The following ADAMTSL1 variants were observed in gnomAD, a reference collection of about 807,000 sequenced individuals.
ADAMTSL1 encodes ADAMTS like 1, also known as ADAMTS-like protein 1.
ADAMTSL1 carries 126 observed loss-of-function variants against 201.8 expected under a neutral mutation model. The ratio of observed to expected loss-of-function variants is 0.62; its 90% CI spans 0.54 to 0.72. The LOEUF (loss-of-function observed/expected upper bound fraction) is 0.72, where lower values mean the gene tolerates loss of function less well. Among genes scored for constraint, ADAMTSL1 ranks in the 30% least tolerant of loss-of-function variants. The pLI is 0.00. For synonymous variants in ADAMTSL1, 1,121 were observed against 903.4 expected (o/e 1.24, Z -4.32); for missense variants, 2,679 against 2,277.8 (o/e 1.18, Z -3.59).
chr9:17,952,104 T>C (rs114840308), intron 1 of ADAMTSL1, among the ~76,000 whole-genome samples: 119 of 151,764 alleles, frequency 7.8e-4, no homozygotes, highest in African/African-American at 2.8e-3. Flanking sequence ...GCCTGGCTAA[T>C]TGGTTTCTTT....
At chr9:18,331,549 A>G (rs1409561003) in intron 2 of ADAMTSL1, among the ~76,000 whole-genome samples, 1 of 152,208 alleles carries the variant, frequency 6.6e-6, no homozygotes, top group African/African-American at 2.4e-5. Flanking sequence ...ATAAGCCCCC[A>G]GGGACTCATA....
chr9:18,586,085 C>T (rs944513330), intron 4 of ADAMTSL1, among the ~76,000 whole-genome samples: 5 of 152,084 alleles, frequency 3.3e-5, no homozygotes, highest in African/African-American at 1.2e-4. Context: ...GAAGTGCTGG[C>T]CAGAGCAATC....
chr9:18,304,560 G>C (rs1833834945), intron 2 of ADAMTSL1, among the ~76,000 whole-genome samples: 1 of 151,582 alleles, frequency 6.6e-6, no homozygotes, highest in Non-Finnish European at 1.5e-5. Flanking sequence ...ATATAAGCGT[G>C]TTATTTACCT....
intron 1 of ADAMTSL1, among the ~76,000 whole-genome samples, chr9:17,988,874 G>C (rs751850407): frequency 6.6e-6 from 1 of 151,772 alleles, no homozygotes; most frequent in Non-Finnish European, 1.5e-5. Context: ...TTCTCAACTT[G>C]TTTTTTCATT....
intron 2 of ADAMTSL1, among the ~76,000 whole-genome samples, chr9:18,448,883 G>A (rs1339925038): frequency 2.0e-5 from 3 of 151,992 alleles, no homozygotes; most frequent in Admixed American, 6.6e-5. Flanking sequence ...AGGCTCGAAT[G>A]TTTAAAATTT....
intron 2 of ADAMTSL1, among the ~76,000 whole-genome samples, chr9:18,291,743 TCTCTCACA>T (rs1435787318): frequency 1.4e-3 from 161 of 114,660 alleles, no homozygotes; most frequent in African/African-American, 4.9e-3. Flanking sequence ...TCTCTCTCTC[TCTCTCACA>T]CACACACACA....
At chr9:18,161,443 A>G (rs1354818695) in intron 1 of ADAMTSL1, among the ~76,000 whole-genome samples, 3 of 152,106 alleles carry the variant, frequency 2.0e-5, no homozygotes, top group African/African-American at 7.2e-5. Flanking sequence ...AATAGAATTC[A>G]AAATAGCCTT....
At chr9:18,881,245 A>C (rs1221098104) in intron 23 of ADAMTSL1, among the ~76,000 whole-genome samples, 1 of 152,196 alleles carries the variant, frequency 6.6e-6, no homozygotes, top group Non-Finnish European at 1.5e-5. Flanking sequence ...TTGCATTCAC[A>C]ACTTGGCTGT....
Position 18,141,484 on chromosome 9 carries a change from C to T in ADAMTSL1, c.88-22378C>T, listed in dbSNP as rs561736511. Among the ~76,000 whole-genome samples the T allele has an allele frequency of 2.0e-5, 3 of 152,270 alleles. No individual in the cohort carries two copies. In the South Asian group the frequency reaches 6.2e-4, roughly 32 times the overall value. On this transcript the variant is annotated intron_variant, in intron 1 of 29. Transcript: ENST00000680146. ...GAGGTTAAAGCAGTTGAAACAAACACAAGGCTCATAGTTGGAGAAATGAGA... is the reference window on the plus strand; with the variant it reads ...GAGGTTAAAGCAGTTGAAACAAACATAAGGCTCATAGTTGGAGAAATGAGA...
At chr9:18,656,546 G>A (rs1828679871) in intron 7 of ADAMTSL1, among the ~76,000 whole-genome samples, 1 of 150,394 alleles carries the variant, frequency 6.6e-6, no homozygotes, top group Admixed American at 6.7e-5. Flanking sequence ...GAAGAATGGT[G>A]TGAACCCGGG....
At position 18,681,877 on chromosome 9, in the gene ADAMTSL1, G is replaced by T; in HGVS notation, c.1407G>T (p.Met469Ile). The change falls in exon 12 of 29, where the codon ATG becomes ATT. Residue 469 changes from methionine to isoleucine, a missense_variant. By Grantham distance (10) the Met-to-Ile change is conservative. Transcript: ENST00000380548. ...RVVLCIDHRG[M>I]HTGGCSPKTK... ...TCCTCTGCATCGACCATCGAGGAAT[G>T]CACACAGGAGGCTGTAGCCCAAAAA... 6.2e-7 allele frequency: 1 copy of T among 1,614,078 alleles called. No homozygotes were observed.
intron 1 of ADAMTSL1, among the ~76,000 whole-genome samples, chr9:18,096,463 C>A (rs1824257375): frequency 6.6e-6 from 1 of 152,114 alleles, no homozygotes; most frequent in Non-Finnish European, 1.5e-5. Flanking sequence ...GCCACTGGCC[C>A]ATGTGGCTCT....
intron 2 of ADAMTSL1, among the ~76,000 whole-genome samples, chr9:18,293,293 G>T (rs1252931806): frequency 4.6e-5 from 7 of 152,210 alleles, no homozygotes; most frequent in Non-Finnish European, 1.0e-4. Context: ...TAATGGGATT[G>T]CTGGATCAAA....
intron 1 of ADAMTSL1, among the ~76,000 whole-genome samples, chr9:18,042,917 G>T (rs1821490868): frequency 6.6e-6 from 1 of 151,972 alleles, no homozygotes; most frequent in Admixed American, 6.6e-5. Flanking sequence ...TTGCCATCCA[G>T]GAAAAAATTC....
intron 23 of ADAMTSL1, among the ~76,000 whole-genome samples, chr9:18,852,779 G>A (rs1009395990): frequency 6.6e-6 from 1 of 152,148 alleles, no homozygotes; most frequent in African/African-American, 2.4e-5. Flanking sequence ...TTGATAAACT[G>A]ACCCTCAGGA....
intron 1 of ADAMTSL1, among the ~76,000 whole-genome samples, chr9:18,031,622 G>A (rs1159628596): frequency 3.9e-5 from 6 of 152,186 alleles, no homozygotes; most frequent in Admixed American, 3.9e-4. Context: ...GGAGATGGGA[G>A]GGTGAGAGAT....
chr9:18,192,075 C>G (rs1466912587), intron 2 of ADAMTSL1, among the ~76,000 whole-genome samples: 1 of 152,082 alleles, frequency 6.6e-6, no homozygotes, highest in African/African-American at 2.4e-5. Context: ...TGGTCATTTT[C>G]TCATGTTGCT....
At chr9:18,402,823 C>G (rs1587087273) in intron 2 of ADAMTSL1, among the ~76,000 whole-genome samples, 2 of 152,290 alleles carry the variant, frequency 1.3e-5, no homozygotes, top group Non-Finnish European at 2.9e-5. Flanking sequence ...ATACCCTATA[C>G]CTGTATCATG....
At chr9:18,285,810 C>G (rs536683094) in intron 2 of ADAMTSL1, among the ~76,000 whole-genome samples, 4 of 152,140 alleles carry the variant, frequency 2.6e-5, no homozygotes, top group African/African-American at 9.6e-5. Flanking sequence ...CTGTTTGTTT[C>G]TGTTTTCTTA....
Sources: gnomAD v4.1 joint callset for allele counts (sites outside exome capture counted in the v4.1 genomes callset) on GRCh38, gnomAD v4.1.1 for gene constraint, MANE v1.5 for transcripts, NCBI Gene and HGNC (gene_info 2026-07-23, HGNC 2026-07-21) for gene names.